The following KXD1 variants were observed in gnomAD, a reference collection of about 807,000 sequenced individuals.
The protein encoded by KXD1 is KxDL motif containing 1.
Under a neutral mutation model 12.1 loss-of-function variants are expected in KXD1, and 5 were observed. The ratio of observed to expected loss-of-function variants is 0.41; its 90% confidence interval spans 0.22 to 0.87. The LOEUF is 0.87. KXD1 is among the 40% of genes least tolerant of loss of function. KXD1 has a pLI of 0.31. For synonymous variants in KXD1, 98 were observed against 100.5 expected (o/e 0.98, Z 0.15); for missense variants, 193 against 244.9 (o/e 0.79, Z 1.41).
At chr19:18,562,620 C>T (rs1290298386) in intron 2 of KXD1, among the ~76,000 whole-genome samples, 2 of 152,212 alleles carry the variant, frequency 1.3e-5, no homozygotes, top group Non-Finnish European at 2.9e-5. Flanking sequence ...TGCCACCATG[C>T]CCAGCTAATT....
chr19:18,564,578 G>C (rs758969528), intron 2 of KXD1, among the ~76,000 whole-genome samples: 4 of 152,154 alleles, frequency 2.6e-5, no homozygotes, highest in Non-Finnish European at 5.9e-5. Flanking sequence ...AGCCGAGATC[G>C]CGCCACTGCA....
At chr19:18,560,612 T>G (rs947497044) in intron 1 of KXD1, 1 of 152,238 alleles carries the variant, frequency 6.6e-6, no homozygotes, top group Non-Finnish European at 1.5e-5. Flanking sequence ...GAGCTGAGTT[T>G]GAAAAGTTCT....
chr19:18,566,487 C>T (rs541897180), intron 3 of KXD1, among the ~76,000 whole-genome samples: 3 of 149,642 alleles, frequency 2.0e-5, no homozygotes, highest in Non-Finnish European at 4.4e-5. Flanking sequence ...TAGTGCTAGA[C>T]ACATAATGAA....
chr19:18,565,102 G>A (rs983266352), intron 3 of KXD1, 81 bp downstream of exon 3: 2 of 1,556,800 alleles, frequency 1.3e-6, no homozygotes, highest in Non-Finnish European at 1.7e-6. Flanking sequence ...TCACATACCA[G>A]GGTAAAGGGA....
intron 3 of KXD1, among the ~76,000 whole-genome samples, 178 bp from the exon 4 acceptor site, chr19:18,566,954 G>A (rs1006448072): frequency 6.6e-6 from 1 of 152,200 alleles, no homozygotes; most frequent in African/African-American, 2.4e-5. Context: ...CGACTGTCAG[G>A]GCCGTGGCTG....
In KXD1 at chr19:18,565,025, G is replaced by A. The variant is rs1358723023; in HGVS notation, c.254+4G>A. The A allele has an allele frequency of 1.3e-6, 2 of 1,571,128 alleles. No homozygotes were observed. Among genetic ancestry groups the A allele is most frequent in the East Asian group, 2.3e-5 (1 of 43,790 alleles). The stretch of plus-strand genomic sequence containing the variant: ...ACAGCATCTTCCGCCGTATCAGGTG[G>A]GTGCTCAGTGCCACCCCAGCCCAGC... On this transcript the variant is annotated splice_donor_region_variant and intron_variant, in intron 3 of 4. Transcript: ENST00000222307.
chr19:18,564,825 C>T, intron 2 of KXD1, 44 bp from the exon 3 acceptor site: 2 of 1,608,548 alleles, frequency 1.2e-6, no homozygotes, highest in Non-Finnish European at 1.7e-6. Context: ...TGGGCAGGGC[C>T]CTGAAGCTGG....
intron 1 of KXD1, chr19:18,561,497 TA>T (rs1974914808): frequency 6.6e-6 from 1 of 152,464 alleles, no homozygotes; most frequent in South Asian, 2.1e-4. Flanking sequence ...GAGGTTGCGC[TA>T]AGCCAAGATC....
In KXD1 at chr19:18,565,009, T is replaced by C. The variant is rs1295960446; in HGVS notation, c.242T>C (p.Phe81Ser). Residue 81 changes from phenylalanine to serine, a missense_variant, in exon 3 of 5, where the codon TTC becomes TCC. Physicochemically the swap from Phe to Ser is radical, Grantham distance 155. Coordinates refer to ENST00000222307, the MANE Select transcript of KXD1 (RefSeq NM_024069.4). ...VEMKRDLDSI[F>S]RRIRTLKGKL... ...ATGAAACGGGACCTGGACAGCATCT[T>C]CCGCCGTATCAGGTGGGTGCTCAGT... 6.2e-7 allele frequency: 1 copy of C among 1,601,796 alleles called. No individual in the cohort carries two copies.
chr19:18,563,455 C>G lies in KXD1; in HGVS notation c.101+1298C>G, dbSNP rs139212689. 5.7e-3 allele frequency among the ~76,000 whole-genome samples: 858 copies of G among 151,772 alleles called. 7 individuals are homozygous for G. Among genetic ancestry groups the G allele is most frequent in the African/African-American group, 0.02 (810 of 41,410 alleles). ...TCTGCCTCCTGGGTCAAGTGATTCT[C>G]CTGCTTCAGCCTCCTGAGTCGCTGG... On this transcript the variant is annotated intron_variant, in intron 2 of 4. Coordinates refer to ENST00000222307, the MANE Select transcript of KXD1 (RefSeq NM_024069.4).
intron 1 of KXD1, chr19:18,558,501 C>A (rs1977007085): frequency 6.6e-6 from 1 of 152,158 alleles, no homozygotes; most frequent in African/African-American, 2.4e-5. Flanking sequence ...GGGATGCTCT[C>A]AAAATGTTGA....
Position 18,568,590 on chromosome 19 carries a change from G to C in KXD1, c.490G>C (p.Gly164Arg). The change falls in exon 5 of 5, where the codon GGC becomes CGC. Residue 164 changes from glycine to arginine, a missense_variant. Coordinates refer to ENST00000222307, the MANE Select transcript of KXD1 (RefSeq NM_024069.4). Reference protein sequence around the residue: ...HVQPGSPAINGRSQTDDEEMT... With the variant: ...HVQPGSPAINRRSQTDDEEMT... ...CCAGCCTGGCTCCCCAGCCATCAAC[G>C]GCCGCAGCCAGACAGATGACGAGGA... 1 of 1,612,978 alleles carries C rather than the reference G, an allele frequency of 6.2e-7. No homozygotes were observed. The highest frequency in any genetic ancestry group is 8.5e-7 in the Non-Finnish European group (1 of 1,180,028).
At chr19:18,565,239 T>TA in intron 3 of KXD1, 3 of 1,338,580 alleles carry the variant, frequency 2.2e-6, no homozygotes, top group Non-Finnish European at 2.9e-6. Flanking sequence ...AGTTTTTTTT[T>TA]TTTTTTTGGA....
At chr19:18,563,297 A>G (rs1006758998) in intron 2 of KXD1, among the ~76,000 whole-genome samples, 1 of 148,360 alleles carries the variant, frequency 6.7e-6, no homozygotes, top group African/African-American at 2.5e-5. Flanking sequence ...TTTCTCCCAG[A>G]CCCAGAGCAG....
intron 2 of KXD1, among the ~76,000 whole-genome samples, 158 bp downstream of exon 2, chr19:18,562,315 AG>A (rs1477006366): frequency 3.3e-5 from 5 of 152,176 alleles, no homozygotes; most frequent in Admixed American, 6.5e-5. Context: ...CCCGGCCTGG[AG>A]GCGAGGCCTT....
chr19:18,567,087 A>T, intron 3 of KXD1, 45 bp from the exon 4 acceptor site: 1 of 1,601,364 alleles, frequency 6.2e-7, no homozygotes, highest in Non-Finnish European at 8.5e-7. Context: ...GGCCCAGCCT[A>T]CCTGCTCAGC....
Position 18,567,194 on chromosome 19 carries a change from G to C in KXD1, c.301+16G>C, listed in dbSNP as rs1224171405. ...GCCTTCAGCCGTAAGTGTCACGCAGGGTTCCTGCTCCCGAGCACGTCAGCA... is the reference window on the plus strand; with the variant it reads ...GCCTTCAGCCGTAAGTGTCACGCAGCGTTCCTGCTCCCGAGCACGTCAGCA... On this transcript the variant is annotated intron_variant, in intron 4 of 4. Transcript: ENST00000222307. 1.9e-6 allele frequency: 3 copies of C among 1,613,812 alleles called. No individual in the cohort carries two copies. Among genetic ancestry groups the C allele is most frequent in the Non-Finnish European group, 2.5e-6 (3 of 1,179,848 alleles).
rs139520092 is a variant in KXD1 at position 18,558,636 on chromosome 19, T to A, written c.-22+722T>A. On this transcript the variant is annotated intron_variant, in intron 1 of 4. Transcript: ENST00000222307. ...TCTTCATTCTACCTTATTTTCATTTTATGGTTGAAAAAACTGATTCAGAAG... is the reference window on the plus strand; with the variant it reads ...TCTTCATTCTACCTTATTTTCATTTAATGGTTGAAAAAACTGATTCAGAAG... The A allele has an allele frequency of 3.7e-3, 568 of 152,326 alleles. 1 individual carries two copies. The highest frequency in any genetic ancestry group is 0.013 in the African/African-American group (528 of 41,578). The allele number at this position is 152,326 out of a possible 1,614,324, so 9.4% of individuals were successfully genotyped here.
rs1396315389 is a variant in KXD1 at position 18,564,804 on chromosome 19, C to T, written c.102-65C>T. The T allele has an allele frequency of 1.9e-6, 3 of 1,585,272 alleles. No homozygotes were observed. The African/African-American group carries it at 4.0e-5, about 21-fold the overall frequency. On this transcript the variant is annotated intron_variant, in intron 2 of 4. Transcript: ENST00000222307. ...GCAAGGGCTTGGCATGAACAGTCTTCTGGGCCAGGTTGGGCAGGGCCCTGA... is the reference window on the plus strand; with the variant it reads ...GCAAGGGCTTGGCATGAACAGTCTTTTGGGCCAGGTTGGGCAGGGCCCTGA...
Sources: allele counts gnomAD v4.1 joint callset (sites outside exome capture counted in the v4.1 genomes callset), GRCh38; gene constraint gnomAD v4.1.1; transcripts MANE v1.5; gene names NCBI Gene and HGNC (gene_info 2026-07-23, HGNC 2026-07-21).